Variants in SMPDL3B observed in about 807,000 individuals in gnomAD.
The protein encoded by SMPDL3B is sphingomyelin phosphodiesterase acid like 3B, also known as acid sphingomyelinase-like phosphodiesterase 3b.
In SMPDL3B, 31 loss-of-function variants were observed where a neutral mutation model predicts 37.9. That is an observed-to-expected ratio of 0.82 (90% confidence interval 0.61 to 1.10). The LOEUF (loss-of-function observed/expected upper bound fraction) is 1.10, where lower values mean the gene tolerates loss of function less well. Ranked by LOEUF, SMPDL3B falls within the 50% of genes least tolerant of loss-of-function variation. SMPDL3B has a pLI of 0.00. For synonymous variants in SMPDL3B, 235 were observed against 242.6 expected, an observed-to-expected ratio of 0.97 and a Z score of 0.29; for missense variants, 525 against 597.8, an observed-to-expected ratio of 0.88 and a Z score of 1.27.
rs1571669389 is a variant in SMPDL3B, at chr1:27,959,019, T to G, written c.*181T>G. 2 of 724,982 alleles carry G rather than the reference T, an allele frequency of 2.8e-6. No homozygotes were observed. The highest frequency in any genetic ancestry group is 4.4e-6 in the Non-Finnish European group (2 of 457,312). The allele number at this position is 724,982 out of a possible 1,614,324, so 44.9% of individuals were successfully genotyped here. A position where few individuals can be genotyped will look rare whatever the true frequency, so the allele number is the denominator to read the frequency against. Reference sequence around the variant, plus strand: ...GTGATCGCGCCACTGCACTCCAGCCTGGGTGACAAAGCCAGACTCTCTCCA... The same window carrying G: ...GTGATCGCGCCACTGCACTCCAGCCGGGGTGACAAAGCCAGACTCTCTCCA... On this transcript the variant is annotated 3_prime_UTR_variant, in exon 8 of 8. Transcript: ENST00000373894.
rs768886509 is a variant in SMPDL3B, at chr1:27,953,220, A to G, written c.379A>G (p.Lys127Glu). 24 of 1,610,596 alleles carry G rather than the reference A, an allele frequency of 1.5e-5. No individual in the cohort carries two copies. Among genetic ancestry groups the G allele is most frequent in the Middle Eastern group, 1.6e-4 (1 of 6,072 alleles). ...ATTTCACCCTTTCTTCCTAGATACTAAAGTCTATGCTGCTTTGGGAAATCA... is the reference window on the plus strand; with the variant it reads ...ATTTCACCCTTTCTTCCTAGATACTGAAGTCTATGCTGCTTTGGGAAATCA... ...KLIREVFPDT[K>E]VYAALGNHDF... is the part of the protein sequence containing the mutation. The change falls in exon 4 of 8, where the codon AAA becomes GAA. Residue 127 changes from lysine (K) to glutamate (E), a missense_variant. By Grantham distance (56) the Lys-to-Glu change is moderately conservative (BLOSUM62 1). Coordinates refer to ENST00000373894, the MANE Select transcript of SMPDL3B (RefSeq NM_014474.4).
In SMPDL3B at chr1:27,955,694, TC is replaced by T; in HGVS notation, c.702del (p.Gly235AlafsTer26). On this transcript the variant is annotated frameshift_variant, in exon 6 of 8. Coordinates refer to ENST00000373894, the MANE Select transcript of SMPDL3B (RefSeq NM_014474.4). LOFTEE classifies it high-confidence loss of function. ...ASKAGDMVYI[V>X]GHVPPGFFEK... ...ACCCCTCCCTTGTAGGTGTACATTG[TC>T]GGCCACGTGCCCCCGGGGTTCTTTG... The T allele has an allele frequency of 6.2e-7, 1 of 1,613,492 alleles. No homozygotes were observed. The highest frequency in any genetic ancestry group is 8.5e-7 in the Non-Finnish European group (1 of 1,179,736).
At position 27,958,781 on chromosome 1, in the gene SMPDL3B, G is replaced by T. The variant is rs1415252308; in HGVS notation, c.1311G>T (p.Val437=). ...TCLYASGTTP[V]PQLPLLLMAL... The stretch of plus-strand genomic sequence containing the variant: ...TGTATGCCTCTGGCACCACGCCCGT[G>T]CCCCAGCTCCCGCTGCTGCTGATGG... The change falls in exon 8 of 8, where the codon GTG becomes GTT. Residue 437 remains valine, a synonymous_variant. Coordinates refer to ENST00000373894, the MANE Select transcript of SMPDL3B (RefSeq NM_014474.4). The surrounding 1 kb of genome is among the most constrained non-coding windows in gnomAD (Gnocchi z 5.6). 6.2e-7 allele frequency: 1 copy of T among 1,609,496 alleles called. No homozygotes were observed. Among genetic ancestry groups the T allele is most frequent in the East Asian group, 2.2e-5 (1 of 44,734 alleles).
chr1:27,954,282 T>G, intron 4 of SMPDL3B, 72 bp from the exon 5 acceptor site: 2 of 1,375,828 alleles, frequency 1.5e-6, no homozygotes, highest in South Asian at 1.4e-5. Flanking sequence ...AGTGGGACAT[T>G]GAGGTGGAAG....
intron 3 of SMPDL3B, among the ~76,000 whole-genome samples, chr1:27,951,303 T>C (rs1337881381): frequency 6.6e-6 from 1 of 152,114 alleles, no homozygotes; most frequent in African/African-American, 2.4e-5. Context: ...AGGTATTATC[T>C]AGCTGAGAAT....
intron 2 of SMPDL3B, among the ~76,000 whole-genome samples, chr1:27,947,144 C>A (rs2090416288): frequency 6.6e-6 from 1 of 151,360 alleles, no homozygotes; most frequent in Admixed American, 6.6e-5. Context: ...TCAAGCGATT[C>A]TCCTGCCTCA....
intron 3 of SMPDL3B, among the ~76,000 whole-genome samples, chr1:27,952,378 T>C (rs2090462042): frequency 6.6e-6 from 1 of 152,198 alleles, no homozygotes; most frequent in Non-Finnish European, 1.5e-5. Flanking sequence ...CCCTCATTTG[T>C]TCCAGGTCAC....
rs563330982 is a variant in SMPDL3B, at chr1:27,950,683, G to A, written c.373+1521G>A. Among the ~76,000 whole-genome samples the A allele has an allele frequency of 7.9e-4, 121 of 152,256 alleles. 1 individual carries two copies. Among genetic ancestry groups the A allele is most frequent in the Non-Finnish European group, 5.3e-4 (36 of 68,016 alleles). ...CTTGCTCCGTCGCCCAAGCTAAAGT[G>A]CAGTGGTGCGATCTTGGCTCACTGC... On this transcript the variant is annotated intron_variant, in intron 3 of 7. Transcript: ENST00000373894.
chr1:27,954,288 G>A, intron 4 of SMPDL3B, 66 bp from the exon 5 acceptor site: 4 of 1,438,216 alleles, frequency 2.8e-6, no homozygotes, highest in Non-Finnish European at 3.8e-6. Flanking sequence ...ACATTGAGGT[G>A]GAAGGGGCGG....
At chr1:27,949,403 C>T (rs1339315193) in intron 3 of SMPDL3B, among the ~76,000 whole-genome samples, 2 of 152,214 alleles carry the variant, frequency 1.3e-5, no homozygotes, top group Admixed American at 6.5e-5. Flanking sequence ...CAGCCTTTCA[C>T]TGACTTCTGC....
In SMPDL3B at chr1:27,935,089, A is replaced by T. The variant is rs3737808; in HGVS notation, c.-95A>T. The T allele has an allele frequency of 4.4e-6, 4 of 911,814 alleles. No homozygotes were observed. Among genetic ancestry groups the T allele is most frequent in the South Asian group, 1.4e-5 (1 of 69,624 alleles). 56.5% of individuals were successfully genotyped at this position (911,814 alleles called of 1,614,324 possible). On this transcript the variant is annotated 5_prime_UTR_variant, in exon 1 of 8. Transcript: ENST00000373894. ...TGTAACAGGACAAGGAGTTCTGCTC[A>T]GGCACGTGGCCACAGAAAACTACTT...
Position 27,935,099 on chromosome 1 carries a change from C to G in SMPDL3B, c.-85C>G. 3.8e-6 allele frequency: 4 copies of G among 1,052,708 alleles called. No individual in the cohort carries two copies. In the South Asian group the frequency reaches 4.0e-5, roughly 10 times the overall value. 65.2% of individuals were successfully genotyped at this position (1,052,708 alleles called of 1,614,324 possible). A position where few individuals can be genotyped will look rare whatever the true frequency, so the allele number is the denominator to read the frequency against. ...CAAGGAGTTCTGCTCAGGCACGTGG[C>G]CACAGAAAACTACTTAGGAAGCCTG... On this transcript the variant is annotated 5_prime_UTR_variant, in exon 1 of 8. Transcript: ENST00000373894.
At chr1:27,947,499 G>A (rs1272688401) in intron 2 of SMPDL3B, among the ~76,000 whole-genome samples, 1 of 147,506 alleles carries the variant, frequency 6.8e-6, no homozygotes, top group African/African-American at 2.6e-5. Context: ...AATTAGGTAT[G>A]TTTTACTACT....
Position 27,953,264 on chromosome 1 carries a change from C to A in SMPDL3B, c.423C>A (p.Asn141Lys), listed in dbSNP as rs765405673. Residue 141 changes from asparagine to lysine, a missense_variant, in exon 4 of 8, where the codon AAC (asparagine) becomes AAA (lysine). By Grantham distance (94) the Asn-to-Lys change is moderately conservative (BLOSUM62 0). Coordinates refer to ENST00000373894, the MANE Select transcript of SMPDL3B (RefSeq NM_014474.4). ...GAAATCATGATTTTCACCCCAAAAACCAGTTCCCAGCTGGAAGTAACAACA... is the reference window on the plus strand; with the variant it reads ...GAAATCATGATTTTCACCCCAAAAAACAGTTCCCAGCTGGAAGTAACAACA... ...ALGNHDFHPK[N>K]QFPAGSNNIY... 3.3e-5 allele frequency: 53 copies of A among 1,613,504 alleles called. No individual in the cohort carries two copies. The highest frequency in any genetic ancestry group is 1.5e-4 in the Admixed American group (9 of 59,980).
intron 2 of SMPDL3B, among the ~76,000 whole-genome samples, chr1:27,948,451 C>T (rs191604790): frequency 2.7e-3 from 418 of 152,262 alleles, no homozygotes; most frequent in Middle Eastern, 0.02. Flanking sequence ...CACCTGCCAC[C>T]ATTCTCCTCC....
At position 27,959,086 on chromosome 1, in the gene SMPDL3B, C is replaced by T; in HGVS notation, c.*248C>T. 1.9e-6 allele frequency: 1 copy of T among 517,018 alleles called. No individual in the cohort carries two copies. Among genetic ancestry groups the T allele is most frequent in the Non-Finnish European group, 3.5e-6 (1 of 287,984 alleles). The allele number at this position is 517,018 out of a possible 1,614,324, so 32.0% of individuals were successfully genotyped here. A position where few individuals can be genotyped will look rare whatever the true frequency, so the allele number is the denominator to read the frequency against. On this transcript the variant is annotated 3_prime_UTR_variant, in exon 8 of 8. Transcript: ENST00000373894. ...AGAAAAGAAATGACGACCCAAGACC[C>T]CCCTACAAGCATACTTCTTTTGCGT...
intron 5 of SMPDL3B, among the ~76,000 whole-genome samples, chr1:27,954,810 T>C (rs2090485733): frequency 6.6e-6 from 1 of 152,140 alleles, no homozygotes; most frequent in Admixed American, 6.5e-5. Flanking sequence ...CCAAGTCCAG[T>C]GCTCTTTCCA....
chr1:27,955,953 CCCCATAAG>C lies in SMPDL3B; in HGVS notation c.878_885del (p.Pro293ArgfsTer33), dbSNP rs769130447. 1 of 1,614,032 alleles carries C rather than the reference CCCCATAAG, an allele frequency of 6.2e-7. No individual in the cohort carries two copies. The highest frequency in any genetic ancestry group is 8.5e-7 in the Non-Finnish European group (1 of 1,179,990). ...CTGCTGTCTCTCTCCTGACAGGTGT[CCCCATAAG>C]CGCCATGTTCATCACACCTGGAGTC... On this transcript the variant is annotated frameshift_variant, in exon 7 of 8. Coordinates refer to ENST00000373894, the MANE Select transcript of SMPDL3B (RefSeq NM_014474.4). LOFTEE classifies it high-confidence loss of function.
At chr1:27,940,442 A>G (rs2090347443) in intron 1 of SMPDL3B, among the ~76,000 whole-genome samples, 1 of 9,086 alleles carries the variant, frequency 1.1e-4, no homozygotes, top group South Asian at 0.05. Context: ...CTTCCCATTT[A>G]TGAAATCATC....
Sources: gnomAD v4.1 joint callset for allele counts (sites outside exome capture counted in the v4.1 genomes callset) on GRCh38, gnomAD v4.1.1 for gene constraint, Gnocchi (gnomAD v3.1) non-coding constraint, MANE v1.5 for transcripts, NCBI Gene and HGNC (gene_info 2026-07-23, HGNC 2026-07-21) for gene names.